Variants in MROH9 observed in about 807,000 individuals in gnomAD.
MROH9 encodes the protein maestro heat like repeat family member 9.
In MROH9, 92 loss-of-function variants were observed where a neutral mutation model predicts 98.2. The ratio of observed to expected loss-of-function variants is 0.94; its 90% CI spans 0.79 to 1.11. The LOEUF (loss-of-function observed/expected upper bound fraction) is 1.11. MROH9 is among the 50% of genes most tolerant of loss of function. The pLI, the probability that MROH9 is intolerant of heterozygous loss-of-function variation, is 0.00. For synonymous variants in MROH9, 397 were observed against 368.9 expected, an observed-to-expected ratio of 1.08 and a Z score of -0.87; for missense variants, 1,057 against 1,014.8, an observed-to-expected ratio of 1.04 and a Z score of -0.57.
chr1:170,998,272 G>A lies in MROH9; in HGVS notation c.1594G>A (p.Glu532Lys). Reference protein sequence around the residue: ...DTVIVLIFLTELLNNFFKDPL... With the variant: ...DTVIVLIFLTKLLNNFFKDPL... ...TGTCATCGTATTAATATTCCTCACT[G>A]AAGTGAGTTTTGTAGACTGTGAACA... Residue 532 changes from glutamate to lysine, a missense_variant and splice_region_variant, in exon 15 of 22, where the codon GAA becomes AAA. Physicochemically the swap from Glu to Lys is moderately conservative, Grantham distance 56. Coordinates refer to ENST00000367759, the MANE Select transcript of MROH9 (RefSeq NM_001163629.2). 6.2e-7 allele frequency: 1 copy of A among 1,613,418 alleles called. No homozygotes were observed. The highest frequency in any genetic ancestry group is 1.7e-5 in the Admixed American group (1 of 59,986).
chr1:171,013,446 T>G lies in MROH9; in HGVS notation c.1597-671T>G, dbSNP rs547020088. Among the ~76,000 whole-genome samples the G allele has an allele frequency of 5.0e-4, 76 of 152,278 alleles. 1 individual carries two copies. In the South Asian group the frequency reaches 0.012, roughly 25 times the overall value. ...GAATCTAAACTAATGCCTGATGATC[T>G]GAGGTAGAAGAGTTTTACACCCTCC... is the stretch of plus-strand genomic sequence containing the variant. On this transcript the variant is annotated intron_variant, in intron 15 of 21. Coordinates refer to ENST00000367759, the MANE Select transcript of MROH9 (RefSeq NM_001163629.2).
chr1:170,966,973 CA>C, intron 7 of MROH9, among the ~76,000 whole-genome samples: 2 of 152,252 alleles, frequency 1.3e-5, no homozygotes, highest in Admixed American at 1.3e-4. Flanking sequence ...TTTCTCTCTG[CA>C]TTTGATATAT....
intron 15 of MROH9, among the ~76,000 whole-genome samples, chr1:171,008,293 C>T (rs1652030681): frequency 6.6e-6 from 1 of 152,086 alleles, no homozygotes; most frequent in Non-Finnish European, 1.5e-5. Context: ...GATAGCCTAA[C>T]ATTAAAACTA....
chr1:170,941,720 T>C (rs61815203), intron 1 of MROH9, among the ~76,000 whole-genome samples: 12,136 of 152,200 alleles, frequency 0.08, 666 homozygotes, highest in African/African-American at 0.15. Flanking sequence ...AGGGTCTGAT[T>C]TACAGAAAAG....
rs184984866 is a variant in MROH9, at chr1:171,008,632, T to C, written c.1597-5485T>C. 5.9e-3 allele frequency among the ~76,000 whole-genome samples: 894 copies of C among 152,344 alleles called. 13 individuals are homozygous for C. The highest frequency in any genetic ancestry group is 9.4e-3 in the Non-Finnish European group (638 of 68,036). On this transcript the variant is annotated intron_variant, in intron 15 of 21. Coordinates refer to ENST00000367759, the MANE Select transcript of MROH9 (RefSeq NM_001163629.2). ...AAAAATGAATGAGAAGCCACACACC[T>C]GTAGTCACAGCTACTCAGGATGCTG...
chr1:170,957,806 T>G (rs6688616), intron 3 of MROH9, among the ~76,000 whole-genome samples: 60,671 of 147,454 alleles, frequency 0.41, 12,876 homozygotes, highest in Middle Eastern at 0.52. Flanking sequence ...TTTTTTTTTT[T>G]TTTGTTTGTT....
chr1:170,979,136 T>A (rs1158461193), intron 8 of MROH9, among the ~76,000 whole-genome samples: 1 of 152,234 alleles, frequency 6.6e-6, no homozygotes, highest in East Asian at 1.9e-4. Context: ...TAAACATACA[T>A]TTTATAGGTG....
At chr1:171,025,169 G>A (rs1652664329) in intron 19 of MROH9, 149 bp from the exon 20 acceptor site, 1 of 585,566 alleles carries the variant, frequency 1.7e-6, no homozygotes, top group Non-Finnish European at 3.0e-6. Context: ...GAAAAAGAGA[G>A]TTGAGTTTGG....
At chr1:171,019,886 A>G (rs1209983489) in intron 17 of MROH9, among the ~76,000 whole-genome samples, 1 of 152,130 alleles carries the variant, frequency 6.6e-6, no homozygotes, top group Non-Finnish European at 1.5e-5. Context: ...ACTAATATAG[A>G]AAAAAAGAAT....
intron 17 of MROH9, among the ~76,000 whole-genome samples, chr1:171,023,582 A>G (rs1316697997): frequency 1.3e-5 from 2 of 152,130 alleles, no homozygotes; most frequent in African/African-American, 4.8e-5. Flanking sequence ...TGGTAAGTAA[A>G]TTGTTTTACT....
At chr1:170,985,508 A>G (rs1006837584) in intron 9 of MROH9, among the ~76,000 whole-genome samples, 1 of 152,178 alleles carries the variant, frequency 6.6e-6, no homozygotes, top group Non-Finnish European at 1.5e-5. Flanking sequence ...ATCTACTGTC[A>G]CATCTTCACC....
At chr1:171,063,511 C>T (rs1557919814) in intron 21 of MROH9, among the ~76,000 whole-genome samples, 1 of 152,082 alleles carries the variant, frequency 6.6e-6, no homozygotes, top group South Asian at 2.1e-4. Flanking sequence ...CTCGGTCTCC[C>T]GAAGTGCTGG....
At chr1:170,978,569 C>T (rs891168577) in intron 8 of MROH9, among the ~76,000 whole-genome samples, 1 of 152,082 alleles carries the variant, frequency 6.6e-6, no homozygotes, top group African/African-American at 2.4e-5. Context: ...AGCATAGTGA[C>T]TAGGCCCTTT....
chr1:170,985,897 G>A (rs1651113011), intron 9 of MROH9, among the ~76,000 whole-genome samples: 1 of 152,072 alleles, frequency 6.6e-6, no homozygotes, highest in Admixed American at 6.6e-5. Context: ...TTTAAGGAGA[G>A]TGAAGAAAAA....
intron 8 of MROH9, among the ~76,000 whole-genome samples, chr1:170,981,850 T>C (rs934493364): frequency 6.6e-6 from 1 of 152,130 alleles, no homozygotes. Flanking sequence ...AATAATGTTC[T>C]ATATATACTT....
chr1:170,948,972 T>C (rs1649444072), intron 3 of MROH9, among the ~76,000 whole-genome samples: 1 of 152,078 alleles, frequency 6.6e-6, no homozygotes, highest in South Asian at 2.1e-4. Context: ...ACTTGGGGAT[T>C]AGTAGTAGAG....
At chr1:170,970,401 A>AAT (rs1357388245) in intron 7 of MROH9, among the ~76,000 whole-genome samples, 1 of 151,426 alleles carries the variant, frequency 6.6e-6, no homozygotes, top group Admixed American at 6.6e-5. Flanking sequence ...AAAAAAAAAA[A>AAT]CTTGGAATGC....
chr1:171,023,237 A>G (rs2101840662), intron 17 of MROH9, among the ~76,000 whole-genome samples: 1 of 152,326 alleles, frequency 6.6e-6, no homozygotes, highest in African/African-American at 2.4e-5. Flanking sequence ...ATATAAATAA[A>G]TAAAAATTTA....
At chr1:170,999,686 G>C (rs991564032) in intron 15 of MROH9, among the ~76,000 whole-genome samples, 1 of 152,100 alleles carries the variant, frequency 6.6e-6, no homozygotes, top group African/African-American at 2.4e-5. Context: ...CCTCTGGGTA[G>C]ATATCCAGTA....
Sources: allele counts gnomAD v4.1 joint callset (sites outside exome capture counted in the v4.1 genomes callset), GRCh38; gene constraint gnomAD v4.1.1; transcripts MANE v1.5; gene names NCBI Gene and HGNC (gene_info 2026-07-23, HGNC 2026-07-21).